Variants in ZNF69 observed in about 807,000 individuals in gnomAD.
ZNF69 encodes the protein zinc finger protein 69, also known as ZNF3.
A neutral mutation model predicts 50.9 loss-of-function variants in ZNF69; 47 were observed. The observed-to-expected ratio is 0.92, with a 90% CI of 0.73 to 1.18. The LOEUF (loss-of-function observed/expected upper bound fraction) is 1.18, where lower values mean the gene tolerates loss of function less well. Ranked by LOEUF, ZNF69 falls within the 50% of genes most tolerant of loss-of-function variation. The pLI is 0.00. For missense variants in ZNF69, 717 were observed against 675.1 expected, an observed-to-expected ratio of 1.06 and a Z score of -0.69; for synonymous variants, 216 against 223.1, an observed-to-expected ratio of 0.97 and a Z score of 0.29.
chr19:11,957,051 C>T, the ZNF69 span, among the ~76,000 whole-genome samples: 5 of 151,464 alleles, frequency 3.3e-5, no homozygotes, highest in Admixed American at 6.6e-5. Context: ...TTTTCCTAGA[C>T]GTTTCTAGTG....
At chr19:11,975,981 C>T in the ZNF69 span, among the ~76,000 whole-genome samples, 1 of 150,742 alleles carries the variant, frequency 6.6e-6, no homozygotes, top group Non-Finnish European at 1.5e-5. Context: ...GACAGGATAA[C>T]TGCAAACTGA....
chr19:11,975,467 G>A, the ZNF69 span, among the ~76,000 whole-genome samples: 15 of 150,244 alleles, frequency 1.0e-4, no homozygotes, highest in Admixed American at 7.9e-4. Flanking sequence ...GCGCAATCTC[G>A]GCTCACTGCA....
intron 2 of ZNF69, 90 bp from the exon 3 acceptor site, chr19:11,903,815 A>G: frequency 6.2e-7 from 1 of 1,605,422 alleles, no homozygotes; most frequent in South Asian, 1.1e-5. Context: ...TAAATGAGGT[A>G]TGGCTGCAGT....
At chr19:11,891,518 T>C (rs751418292) in intron 1 of ZNF69, among the ~76,000 whole-genome samples, 2 of 152,098 alleles carry the variant, frequency 1.3e-5, no homozygotes, top group African/African-American at 2.4e-5. Context: ...AGTGGAGGAA[T>C]GTACTAAGTT....
At chr19:11,978,529 G>A in the ZNF69 span, 1 of 1,614,212 alleles carries the variant, frequency 6.2e-7, no homozygotes, top group Non-Finnish European at 8.5e-7. Flanking sequence ...CCTTATAAAT[G>A]TAAGTTTTGT....
At chr19:11,940,807 G>C in the ZNF69 span, among the ~76,000 whole-genome samples, 1 of 152,132 alleles carries the variant, frequency 6.6e-6, no homozygotes, top group Non-Finnish European at 1.5e-5. Context: ...CAATCCCTGA[G>C]CTAGACACAA....
the ZNF69 span, chr19:11,978,885 T>A: frequency 3.1e-6 from 5 of 1,614,056 alleles, no homozygotes; most frequent in Non-Finnish European, 4.2e-6. Flanking sequence ...TAATAAAGCA[T>A]TCCGTAGTTA....
At chr19:11,953,036 T>G in the ZNF69 span, 1 of 152,208 alleles carries the variant, frequency 6.6e-6, no homozygotes, top group Admixed American at 6.5e-5. Flanking sequence ...ATCACGCCAC[T>G]GCACTCTCTA....
the ZNF69 span, among the ~76,000 whole-genome samples, chr19:11,928,136 A>G: frequency 6.6e-6 from 1 of 151,832 alleles, no homozygotes; most frequent in African/African-American, 2.4e-5. Context: ...ACAATTGCCC[A>G]CCAGCACACC....
chr19:11,916,707 G>C (rs1972525705), downstream of ZNF69, among the ~76,000 whole-genome samples: 1 of 152,206 alleles, frequency 6.6e-6, no homozygotes, highest in Non-Finnish European at 1.5e-5. Flanking sequence ...GATCACTAAA[G>C]AGAAAACTGT....
At chr19:11,919,959 G>A in the ZNF69 span, among the ~76,000 whole-genome samples, 5 of 152,026 alleles carry the variant, frequency 3.3e-5, no homozygotes, top group Non-Finnish European at 7.4e-5. Context: ...ATATGATATC[G>A]TGCTGCATTT....
intron 1 of ZNF69, among the ~76,000 whole-genome samples, chr19:11,894,146 T>A (rs778613412): frequency 6.6e-6 from 1 of 152,140 alleles, no homozygotes; most frequent in Non-Finnish European, 1.5e-5. Flanking sequence ...TGTATGCATC[T>A]CCTCCTTTCA....
At chr19:11,978,829 A>C in the ZNF69 span, 1 of 1,614,078 alleles carries the variant, frequency 6.2e-7, no homozygotes, top group African/African-American at 1.3e-5. Context: ...TTTCAAATAC[A>C]TGAAAGAACT....
chr19:11,975,327 AC>A, the ZNF69 span, among the ~76,000 whole-genome samples: 2 of 146,634 alleles, frequency 1.4e-5, no homozygotes, highest in Non-Finnish European at 3.0e-5. Context: ...CCCCACCCAC[AC>A]CCCCCAAAGT....
rs1197005698 is a variant in ZNF69 at position 11,906,597 on chromosome 19, AC to A, written c.*501del. ...GTGGACCTCAAGCAAAATCCAACAG[AC>A]CTCAGCTGAGGGTCCTGACTGTTAG... On this transcript the variant is annotated 3_prime_UTR_variant, in exon 4 of 4. Coordinates refer to ENST00000429654, the MANE Select transcript of ZNF69 (RefSeq NM_001364730.1). Among the ~76,000 whole-genome samples the A allele has an allele frequency of 6.6e-6, 1 of 152,188 alleles. No homozygotes were observed.
the ZNF69 span, among the ~76,000 whole-genome samples, chr19:11,977,604 A>T: frequency 6.6e-6 from 1 of 152,210 alleles, no homozygotes; most frequent in African/African-American, 2.4e-5. Context: ...CACTCCTGTA[A>T]TCCCAATCCT....
chr19:11,936,078 A>G, the ZNF69 span, among the ~76,000 whole-genome samples: 26,889 of 152,092 alleles, frequency 0.18, 5,096 homozygotes, highest in African/African-American at 0.48. Context: ...TGGTGTATAT[A>G]TGCCACATTT....
At chr19:11,977,321 T>C in the ZNF69 span, 4 of 1,605,818 alleles carry the variant, frequency 2.5e-6, no homozygotes, top group Non-Finnish European at 3.4e-6. Context: ...TAATAATTTT[T>C]TCACAGTTTT....
At chr19:11,945,156 CAT>C in the ZNF69 span, among the ~76,000 whole-genome samples, 28 of 152,200 alleles carry the variant, frequency 1.8e-4, no homozygotes, top group Non-Finnish European at 3.4e-4. Context: ...CTGGGACTGA[CAT>C]AAGTTTTTCC....
Sources: allele counts gnomAD v4.1 joint callset (sites outside exome capture counted in the v4.1 genomes callset), GRCh38; gene constraint gnomAD v4.1.1; transcripts MANE v1.5; gene names NCBI Gene and HGNC (gene_info 2026-07-23, HGNC 2026-07-21).